The following ARFGAP3 variants were observed in gnomAD, a reference collection of about 807,000 sequenced individuals.
ARFGAP3 encodes the protein ARF GTPase activating protein 3.
A neutral mutation model predicts 75.0 loss-of-function variants in ARFGAP3; 72 were observed. The ratio of observed to expected loss-of-function variants is 0.96; its 90% confidence interval spans 0.79 to 1.17. The LOEUF is 1.17. ARFGAP3 is among the 50% of genes most tolerant of loss of function. ARFGAP3 has a pLI of 0.00. For synonymous variants in ARFGAP3, 221 were observed against 217.9 expected, an observed-to-expected ratio of 1.01 and a Z score of -0.13; for missense variants, 620 against 626.6, an observed-to-expected ratio of 0.99 and a Z score of 0.11.
chr22:42,813,247 G>GA (rs1403043773), intron 11 of ARFGAP3, among the ~76,000 whole-genome samples: 7 of 152,194 alleles, frequency 4.6e-5, no homozygotes, highest in Non-Finnish European at 7.3e-5. Context: ...AGGCTGACTT[G>GA]AATGCAGAAG....
At chr22:42,828,180 C>T (rs769192679) in intron 6 of ARFGAP3, among the ~76,000 whole-genome samples, 35 of 148,136 alleles carry the variant, frequency 2.4e-4, no homozygotes, top group Non-Finnish European at 4.3e-4. Flanking sequence ...CCCAGCACTT[C>T]GGGAGGCCAA....
intron 2 of ARFGAP3, among the ~76,000 whole-genome samples, chr22:42,841,433 C>G (rs1926775480): frequency 6.6e-6 from 1 of 152,156 alleles, no homozygotes; most frequent in Non-Finnish European, 1.5e-5. Flanking sequence ...TCTCTTATCA[C>G]AAGGTAGAAG....
At chr22:42,802,402 C>G (rs1924907161) in intron 14 of ARFGAP3, among the ~76,000 whole-genome samples, 2 of 151,478 alleles carry the variant, frequency 1.3e-5, no homozygotes, top group African/African-American at 4.9e-5. Context: ...TCTCCTGCCT[C>G]AGCCTCTGGA....
chr22:42,822,835 G>A (rs531012335), intron 8 of ARFGAP3, among the ~76,000 whole-genome samples: 2 of 151,588 alleles, frequency 1.3e-5, no homozygotes, highest in African/African-American at 4.8e-5. Context: ...TTTGAGACAG[G>A]CTCTCATGCT....
intron 14 of ARFGAP3, among the ~76,000 whole-genome samples, chr22:42,801,174 G>T (rs1462740630): frequency 6.6e-6 from 1 of 152,202 alleles, no homozygotes; most frequent in Non-Finnish European, 1.5e-5. Flanking sequence ...AACGGGCTGA[G>T]CGTCCTCAGG....
At chr22:42,804,475 A>G (rs1925029651) in intron 14 of ARFGAP3, among the ~76,000 whole-genome samples, 1 of 137,432 alleles carries the variant, frequency 7.3e-6, no homozygotes, top group Non-Finnish European at 1.5e-5. Context: ...CCCACCTCCC[A>G]GGTTCAAGCG....
intron 1 of ARFGAP3, among the ~76,000 whole-genome samples, chr22:42,855,549 A>T (rs1245805577): frequency 6.6e-6 from 1 of 152,032 alleles, no homozygotes; most frequent in Non-Finnish European, 1.5e-5. Flanking sequence ...ACTTGAGTGT[A>T]GTGGTGGATG....
chr22:42,849,183 T>A lies in ARFGAP3; in HGVS notation c.70-1551A>T, dbSNP rs1159525852. On this transcript the variant is annotated intron_variant, in intron 1 of 15. Transcript: ENST00000263245. ...CTGCAGCCTCATGAAAGACCCTGGG[T>A]CAGAAGCAGCCAGCTAAGTCACCCC... Among the ~76,000 whole-genome samples the A allele has an allele frequency of 4.6e-5, 7 of 152,168 alleles. No homozygotes were observed. In the East Asian group the frequency reaches 1.3e-3, roughly 29 times the overall value.
Position 42,823,911 on chromosome 22 carries a change from A to G in ARFGAP3, c.626-209T>C, listed in dbSNP as rs573482560. On this transcript the variant is annotated intron_variant, in intron 7 of 15. Transcript: ENST00000263245. ...AATGGTGTCCTCAGTATTTCCACGC[A>G]GTCTCCAAACTCAGAGAAAATGTAT... 2.4e-3 allele frequency: 646 copies of G among 264,984 alleles called. 1 individual carries two copies. The highest frequency in any genetic ancestry group is 3.6e-3 in the Non-Finnish European group (611 of 172,052). The allele number at this position is 264,984 out of a possible 1,614,324, so 16.4% of individuals were successfully genotyped here.
chr22:42,811,468 C>T (rs922007238), intron 11 of ARFGAP3, among the ~76,000 whole-genome samples: 3 of 152,186 alleles, frequency 2.0e-5, no homozygotes, highest in Non-Finnish European at 4.4e-5. Flanking sequence ...TCACAAATAA[C>T]ACTGCTGGGC....
chr22:42,834,397 C>T (rs1298694193), intron 4 of ARFGAP3, 72 bp from the exon 5 acceptor site: 11 of 1,569,478 alleles, frequency 7.0e-6, no homozygotes, highest in South Asian at 1.2e-5. Context: ...ATACCTTTCA[C>T]TTCCCTTAGA....
chr22:42,830,340 T>C (rs1926231180), intron 6 of ARFGAP3, among the ~76,000 whole-genome samples: 1 of 152,116 alleles, frequency 6.6e-6, no homozygotes, highest in Non-Finnish European at 1.5e-5. Context: ...AGTGCCTCTC[T>C]CTCCTAGGAC....
chr22:42,833,914 C>T (rs1926407185), intron 5 of ARFGAP3, among the ~76,000 whole-genome samples: 1 of 152,072 alleles, frequency 6.6e-6, no homozygotes, highest in Admixed American at 6.6e-5. Flanking sequence ...AGATTCAGTC[C>T]CCCCAAAAAT....
chr22:42,835,325 G>T, intron 4 of ARFGAP3, 37 bp downstream of exon 4: 11 of 1,599,632 alleles, frequency 6.9e-6, no homozygotes, highest in Non-Finnish European at 9.4e-6. Context: ...AAGTGAACAT[G>T]TATCTAAAGG....
Position 42,835,416 on chromosome 22 carries a change from A to G in ARFGAP3, c.339T>C (p.Tyr113=), listed in dbSNP as rs1351173780. 1 of 1,614,178 alleles carries G rather than the reference A, an allele frequency of 6.2e-7. No individual in the cohort carries two copies. The highest frequency in any genetic ancestry group is 8.5e-7 in the Non-Finnish European group (1 of 1,180,010). ...AGGCGAGCGATTTGATTTTCTCCCT[A>G]TAGAGCTGAGCAGCACGACTGTTGT... ...AKYNSRAAQL[Y]REKIKSLASQ... Residue 113 remains tyrosine (Y), a synonymous_variant, in exon 4 of 16, where the codon TAT becomes TAC. Coordinates refer to ENST00000263245, the MANE Select transcript of ARFGAP3 (RefSeq NM_014570.5).
At chr22:42,820,323 A>T (rs1469297855) in intron 9 of ARFGAP3, among the ~76,000 whole-genome samples, 1 of 152,218 alleles carries the variant, frequency 6.6e-6, no homozygotes. Flanking sequence ...TTGTACACAA[A>T]GCATTTCAAA....
chr22:42,816,254 G>A (rs966981441), intron 11 of ARFGAP3, among the ~76,000 whole-genome samples: 2 of 152,168 alleles, frequency 1.3e-5, no homozygotes, highest in African/African-American at 4.8e-5. Flanking sequence ...TATCTCATTC[G>A]ATCCTCACAC....
At chr22:42,829,732 C>T (rs1185636094) in intron 6 of ARFGAP3, among the ~76,000 whole-genome samples, 1 of 152,166 alleles carries the variant, frequency 6.6e-6, no homozygotes, top group Non-Finnish European at 1.5e-5. Flanking sequence ...GATTTATTAA[C>T]CTTTTCCTTT....
At chr22:42,829,669 C>T (rs1475829650) in intron 6 of ARFGAP3, among the ~76,000 whole-genome samples, 1 of 152,116 alleles carries the variant, frequency 6.6e-6, no homozygotes, top group Non-Finnish European at 1.5e-5. Context: ...TATCATTTGT[C>T]TTCACTTTAA....
Sources: gnomAD v4.1 joint callset for allele counts (sites outside exome capture counted in the v4.1 genomes callset) on GRCh38, gnomAD v4.1.1 for gene constraint, MANE v1.5 for transcripts, NCBI Gene and HGNC (gene_info 2026-07-23, HGNC 2026-07-21) for gene names.